Variants in ZBTB7C observed in about 807,000 individuals in gnomAD.
ZBTB7C encodes zinc finger and BTB domain containing 7C, also known as zinc finger and BTB domain-containing protein 7C.
ZBTB7C carries 8 observed loss-of-function variants against 25.7 expected under a neutral mutation model. That is an observed-to-expected ratio of 0.31 (90% confidence interval 0.18 to 0.56). The LOEUF is 0.56. ZBTB7C is among the 20% of genes least tolerant of loss of function. The probability of loss-of-function intolerance (pLI) is 0.91; values close to 1 mark genes in which losing one functional copy is unlikely to be tolerated. For synonymous variants in ZBTB7C, 394 were observed against 369.0 expected (o/e 1.07, Z -0.78); for missense variants, 824 against 855.2 (o/e 0.96, Z 0.46).
chr18:48,371,557 C>T (rs959276770), intron 1 of ZBTB7C, among the ~76,000 whole-genome samples: 3 of 152,208 alleles, frequency 2.0e-5, no homozygotes, highest in Admixed American at 6.5e-5. Context: ...GGCATAAGAG[C>T]CTGCCAATGG....
Position 48,040,720 on chromosome 18 carries a change from C to G in ZBTB7C, c.388G>C (p.Gly130Arg). Residue 130 changes from glycine to arginine, a missense_variant, in exon 4 of 5, where the codon GGG (glycine) becomes CGG (arginine). By Grantham distance (125) the Gly-to-Arg change is moderately radical (BLOSUM62 -2). Coordinates refer to ENST00000590800, the MANE Select transcript of ZBTB7C (RefSeq NM_001318841.2). Reference protein sequence around the residue: ...VNVCLEIMEPGGDGGEEDDKE... With the variant: ...VNVCLEIMEPRGDGGEEDDKE... ...TCATCCTCCTCCCCCCCGTCCCCCC[C>G]AGGCTCCATGATCTCCAGGCACACG... 6.2e-7 allele frequency: 1 copy of G among 1,614,056 alleles called. No homozygotes were observed. Among genetic ancestry groups the G allele is most frequent in the Admixed American group, 1.7e-5 (1 of 60,000 alleles).
chr18:48,175,212 A>G (rs1461448362), intron 3 of ZBTB7C, among the ~76,000 whole-genome samples: 1 of 152,252 alleles, frequency 6.6e-6, no homozygotes, highest in African/African-American at 2.4e-5. Flanking sequence ...AAAAATCAGG[A>G]AGGAAAGACT....
At chr18:48,377,221 AAG>A (rs1479729937) in intron 1 of ZBTB7C, among the ~76,000 whole-genome samples, 17 of 152,222 alleles carry the variant, frequency 1.1e-4, no homozygotes, top group Non-Finnish European at 2.4e-4. Context: ...AGTATTTCTT[AAG>A]AGTCTACTCC....
At chr18:48,164,574 C>T (rs1188286876) in intron 3 of ZBTB7C, among the ~76,000 whole-genome samples, 1 of 152,154 alleles carries the variant, frequency 6.6e-6, no homozygotes, top group Non-Finnish European at 1.5e-5. Flanking sequence ...CTTCTTTAAC[C>T]CACCAGGACC....
intron 3 of ZBTB7C, among the ~76,000 whole-genome samples, chr18:48,179,004 G>A (rs1295676309): frequency 1.4e-4 from 22 of 152,186 alleles, no homozygotes; most frequent in African/African-American, 2.4e-5. Flanking sequence ...TGATTTTGAA[G>A]TGGGTGGAGG....
chr18:48,116,607 C>T (rs535857867), intron 3 of ZBTB7C, among the ~76,000 whole-genome samples: 1 of 152,254 alleles, frequency 6.6e-6, no homozygotes, highest in East Asian at 1.9e-4. Flanking sequence ...GGCCTGCTTG[C>T]ACCCTCCCTC....
intron 3 of ZBTB7C, among the ~76,000 whole-genome samples, chr18:48,128,133 G>C (rs2039866362): frequency 6.6e-6 from 1 of 152,214 alleles, no homozygotes; most frequent in Non-Finnish European, 1.5e-5. Context: ...CCTCTGGGCT[G>C]TCCAGTTCAG....
At chr18:48,305,957 G>A (rs565414815) in intron 2 of ZBTB7C, among the ~76,000 whole-genome samples, 35 of 152,284 alleles carry the variant, frequency 2.3e-4, no homozygotes, top group South Asian at 2.1e-3. Flanking sequence ...CAAGAGAAAT[G>A]CTCAGAAACA....
chr18:48,341,000 G>A (rs994796957), intron 1 of ZBTB7C, among the ~76,000 whole-genome samples: 4 of 152,298 alleles, frequency 2.6e-5, no homozygotes, highest in South Asian at 2.1e-4. Flanking sequence ...AAAGAAGGAG[G>A]TGAGTCTGTT....
At chr18:48,150,357 A>T (rs8083243) in intron 3 of ZBTB7C, 14,933 of 152,000 alleles carry the variant, frequency 0.098, 757 homozygotes, top group African/African-American at 0.13. Context: ...CGAGGTGGGC[A>T]AATCACCTTA....
At chr18:48,278,467 G>A (rs368183761) in intron 2 of ZBTB7C, among the ~76,000 whole-genome samples, 8 of 149,848 alleles carry the variant, frequency 5.3e-5, no homozygotes, top group African/African-American at 2.0e-4. Context: ...AGACAGTCTT[G>A]CCCTGTCATC....
chr18:48,343,350 G>T (rs541293340), intron 1 of ZBTB7C, among the ~76,000 whole-genome samples: 4 of 152,114 alleles, frequency 2.6e-5, no homozygotes, highest in African/African-American at 9.7e-5. Context: ...ACCATGAACA[G>T]TGAGAGGAAT....
At chr18:48,228,921 CT>C (rs2043179397) in intron 2 of ZBTB7C, among the ~76,000 whole-genome samples, 1 of 152,082 alleles carries the variant, frequency 6.6e-6, no homozygotes. Context: ...CTCTCTTCTC[CT>C]TCCCTCACAA....
intron 1 of ZBTB7C, among the ~76,000 whole-genome samples, chr18:48,377,644 A>G (rs543011237): frequency 3.3e-5 from 5 of 152,230 alleles, no homozygotes; most frequent in Non-Finnish European, 5.9e-5. Flanking sequence ...TTAAGCATAA[A>G]TACACAAGAA....
chr18:48,211,866 T>C (rs2042709996), intron 2 of ZBTB7C, among the ~76,000 whole-genome samples: 2 of 152,196 alleles, frequency 1.3e-5, no homozygotes, highest in Non-Finnish European at 1.5e-5. Context: ...TAAAAACTTA[T>C]GTCTACACAA....
chr18:48,155,785 C>G (rs2040824675), intron 3 of ZBTB7C, among the ~76,000 whole-genome samples: 1 of 152,196 alleles, frequency 6.6e-6, no homozygotes, highest in South Asian at 2.1e-4. Flanking sequence ...TCTGGGCAGG[C>G]TGAGAACTAC....
chr18:48,126,620 G>A (rs1303545984), intron 3 of ZBTB7C, among the ~76,000 whole-genome samples: 1 of 152,200 alleles, frequency 6.6e-6, no homozygotes, highest in East Asian at 1.9e-4. Context: ...GATGAACCAG[G>A]CTTGTTATTT....
At chr18:48,301,116 G>A (rs942770120) in intron 2 of ZBTB7C, among the ~76,000 whole-genome samples, 1 of 152,228 alleles carries the variant, frequency 6.6e-6, no homozygotes. Flanking sequence ...AGGGACAGAT[G>A]TTCAGCCAGA....
At chr18:48,077,885 CT>C in intron 3 of ZBTB7C, among the ~76,000 whole-genome samples, 1 of 151,970 alleles carries the variant, frequency 6.6e-6, no homozygotes, top group East Asian at 1.9e-4. Flanking sequence ...GTCCCTTAGC[CT>C]CCCCAGCTCA....
Sources: gnomAD v4.1 joint callset for allele counts (sites outside exome capture counted in the v4.1 genomes callset) on GRCh38, gnomAD v4.1.1 for gene constraint, MANE v1.5 for transcripts, NCBI Gene and HGNC (gene_info 2026-07-23, HGNC 2026-07-21) for gene names.